The following RALYL variants were observed in gnomAD, a reference collection of about 807,000 sequenced individuals.
The protein encoded by RALYL is RALY RNA binding protein like, also known as RNA-binding Raly-like protein.
RALYL carries 29 observed loss-of-function variants against 35.1 expected under a neutral mutation model. The ratio of observed to expected loss-of-function variants is 0.83; its 90% CI spans 0.61 to 1.13. The LOEUF is 1.13. Ranked by LOEUF, RALYL falls within the 50% of genes most tolerant of loss-of-function variation. The pLI, the probability that RALYL is intolerant of heterozygous loss-of-function variation, is 0.00. For missense variants in RALYL, 359 were observed against 360.4 expected (o/e 1.00, Z 0.03); for synonymous variants, 120 against 127.6 (o/e 0.94, Z 0.40).
intron 2 of RALYL, among the ~76,000 whole-genome samples, chr8:84,707,420 C>A (rs896557620): frequency 1.3e-5 from 2 of 152,056 alleles, no homozygotes; most frequent in Admixed American, 1.3e-4. Flanking sequence ...TTTTATATAT[C>A]CCTCATTTTT....
At chr8:84,505,651 C>T (rs1181550988) in intron 1 of RALYL, among the ~76,000 whole-genome samples, 1 of 151,596 alleles carries the variant, frequency 6.6e-6, no homozygotes, top group African/African-American at 2.4e-5. Flanking sequence ...ATGAATGATT[C>T]CATCACCCAG....
At chr8:84,655,294 G>T (rs1315783059) in intron 2 of RALYL, among the ~76,000 whole-genome samples, 7 of 147,040 alleles carry the variant, frequency 4.8e-5, no homozygotes, top group Admixed American at 4.1e-4. Context: ...GATTATTAGG[G>T]TTTTTTTTTT....
intron 1 of RALYL, among the ~76,000 whole-genome samples, chr8:84,291,856 T>G (rs1838825456): frequency 6.6e-6 from 1 of 151,068 alleles, no homozygotes; most frequent in African/African-American, 2.4e-5. Flanking sequence ...AGAAGATATC[T>G]CACATTTCCC....
At chr8:84,782,863 G>C (rs577795667) in intron 3 of RALYL, among the ~76,000 whole-genome samples, 1 of 152,200 alleles carries the variant, frequency 6.6e-6, no homozygotes, top group Non-Finnish European at 1.5e-5. Context: ...TTCATTGTCA[G>C]TGTTGATTTC....
At chr8:84,792,941 G>A (rs1480423400) in intron 3 of RALYL, among the ~76,000 whole-genome samples, 1 of 152,218 alleles carries the variant, frequency 6.6e-6, no homozygotes, top group African/African-American at 2.4e-5. Context: ...GTGAGGGGAA[G>A]AAACTGATGA....
In RALYL at chr8:84,746,324, T is replaced by C. The variant is rs1197081180; in HGVS notation, c.257-28255T>C. Among the ~76,000 whole-genome samples, 4 of 152,034 alleles carry C rather than the reference T, an allele frequency of 2.6e-5. No individual in the cohort carries two copies. In the East Asian group the frequency reaches 7.7e-4, roughly 29 times the overall value. ...CTACATTTTATATGATACTTAAAAA[T>C]ATAAACATTGAAAAACATAAAACTG... On this transcript the variant is annotated intron_variant, in intron 2 of 8. Coordinates refer to ENST00000521268, the MANE Select transcript of RALYL (RefSeq NM_173848.7).
intron 1 of RALYL, among the ~76,000 whole-genome samples, chr8:84,515,603 G>A (rs1159425026): frequency 6.6e-6 from 1 of 152,062 alleles, no homozygotes; most frequent in Non-Finnish European, 1.5e-5. Flanking sequence ...TCTAGATGGT[G>A]TCTTTCAATC....
chr8:84,652,366 T>C (rs1829026079), intron 2 of RALYL, among the ~76,000 whole-genome samples: 4 of 152,088 alleles, frequency 2.6e-5, no homozygotes, highest in Admixed American at 2.6e-4. Flanking sequence ...ATGATTGCAC[T>C]ATTATTTATG....
rs143637893 is a variant in RALYL, at chr8:84,222,113, T to C, written c.-24+37689T>C. On this transcript the variant is annotated intron_variant, in intron 1 of 8. Coordinates refer to ENST00000521268, the MANE Select transcript of RALYL (RefSeq NM_173848.7). The stretch of plus-strand genomic sequence containing the variant: ...CATTAATATCGGCTCCTTCATGAGC[T>C]GATATTAATTTCCAAAATAGTGCAT... Among the ~76,000 whole-genome samples the C allele has an allele frequency of 8.0e-4, 122 of 152,230 alleles. No homozygotes were observed. The East Asian group carries it at 8.7e-3, about 11-fold the overall frequency.
chr8:84,400,821 T>G (rs572314945), intron 1 of RALYL, among the ~76,000 whole-genome samples: 97 of 152,350 alleles, frequency 6.4e-4, no homozygotes, highest in Non-Finnish European at 1.1e-3. Context: ...GAGATTTTCA[T>G]GTTCATGTGT....
chr8:84,617,128 G>T (rs1343989137), intron 2 of RALYL, among the ~76,000 whole-genome samples: 1 of 150,650 alleles, frequency 6.6e-6, no homozygotes, highest in South Asian at 2.1e-4. Context: ...ATTCTGTGAA[G>T]AAAGTCATTG....
chr8:84,604,460 A>G (rs1816674081), intron 2 of RALYL, among the ~76,000 whole-genome samples: 2 of 152,128 alleles, frequency 1.3e-5, no homozygotes, highest in Non-Finnish European at 2.9e-5. Context: ...TGTACTGACA[A>G]CTGTCCCTAA....
chr8:84,717,114 GA>G (rs1224770355), intron 2 of RALYL, among the ~76,000 whole-genome samples: 2 of 152,144 alleles, frequency 1.3e-5, no homozygotes, highest in African/African-American at 4.8e-5. Context: ...TTGAACCCAG[GA>G]GGCGGAGGTT....
intron 2 of RALYL, among the ~76,000 whole-genome samples, chr8:84,702,869 T>C (rs1389253430): frequency 6.6e-6 from 1 of 152,136 alleles, no homozygotes; most frequent in Non-Finnish European, 1.5e-5. Context: ...AAAGATTCAA[T>C]TTAAGTAAAA....
At chr8:84,219,085 A>G (rs1310554518) in intron 1 of RALYL, among the ~76,000 whole-genome samples, 1 of 152,076 alleles carries the variant, frequency 6.6e-6, no homozygotes, top group African/African-American at 2.4e-5. Flanking sequence ...AAAATAAAAA[A>G]ATACGTACAA....
chr8:84,915,475 A>G (rs1157706746), intron 8 of RALYL, among the ~76,000 whole-genome samples: 6 of 152,098 alleles, frequency 3.9e-5, no homozygotes, highest in African/African-American at 1.4e-4. Flanking sequence ...TTGGCTTAAT[A>G]TTAATAAATA....
chr8:84,709,513 G>A (rs949716443), intron 2 of RALYL, among the ~76,000 whole-genome samples: 3 of 151,712 alleles, frequency 2.0e-5, no homozygotes, highest in Admixed American at 1.3e-4. Flanking sequence ...TATTTAAAAG[G>A]TGGTGTACTG....
At chr8:84,737,700 T>TACCC (rs1359794552) in intron 2 of RALYL, among the ~76,000 whole-genome samples, 24 of 151,982 alleles carry the variant, frequency 1.6e-4, no homozygotes, top group African/African-American at 5.6e-4. Context: ...TGTGGTGGTG[T>TACCC]CTGGAGGAGG....
intron 8 of RALYL, among the ~76,000 whole-genome samples, chr8:84,908,378 T>A (rs1165167203): frequency 2.0e-5 from 3 of 152,148 alleles, no homozygotes; most frequent in Admixed American, 1.3e-4. Context: ...CCTCCCTGTT[T>A]CTCGTAACCA....
Sources: allele counts gnomAD v4.1 joint callset (sites outside exome capture counted in the v4.1 genomes callset), GRCh38; gene constraint gnomAD v4.1.1; transcripts MANE v1.5; gene names NCBI Gene and HGNC (gene_info 2026-07-23, HGNC 2026-07-21).